The following GRIA2 variants were observed in gnomAD, a reference collection of about 807,000 sequenced individuals.
GRIA2 encodes glutamate receptor 2.
A neutral mutation model predicts 97.3 loss-of-function variants in GRIA2; 14 were observed. The ratio of observed to expected loss-of-function variants is 0.14; its 90% CI spans 0.10 to 0.23. The LOEUF (loss-of-function observed/expected upper bound fraction) is 0.23, where lower values mean the gene tolerates loss of function less well. Ranked by LOEUF, GRIA2 falls within the 10% of genes least tolerant of loss-of-function variation. The probability of loss-of-function intolerance (pLI) is 1.00; values close to 1 mark genes in which losing one functional copy is unlikely to be tolerated. For missense variants in GRIA2, 558 were observed against 1,069.8 expected, an observed-to-expected ratio of 0.52 and a Z score of 6.67; for synonymous variants, 412 against 387.8, an observed-to-expected ratio of 1.06 and a Z score of -0.73.
chr4:157,294,754 C>A (rs985564395), intron 2 of GRIA2, among the ~76,000 whole-genome samples: 1 of 152,088 alleles, frequency 6.6e-6, no homozygotes, highest in Non-Finnish European at 1.5e-5. Context: ...GACTTGCCAG[C>A]AGCACACAGC....
At chr4:157,253,816 G>T (rs1731120874) in intron 2 of GRIA2, among the ~76,000 whole-genome samples, 2 of 151,972 alleles carry the variant, frequency 1.3e-5, no homozygotes, top group South Asian at 4.1e-4. Flanking sequence ...ATTAATGTTT[G>T]TTATTATTCT....
intron 2 of GRIA2, among the ~76,000 whole-genome samples, chr4:157,238,073 A>G (rs1262057570): frequency 6.6e-6 from 1 of 152,174 alleles, no homozygotes. Flanking sequence ...CTATGGCTTC[A>G]TTAACTAACA....
chr4:157,276,807 A>T (rs1004372451), intron 2 of GRIA2, among the ~76,000 whole-genome samples: 4 of 151,990 alleles, frequency 2.6e-5, no homozygotes, highest in Non-Finnish European at 4.4e-5. Flanking sequence ...ATGGAATTAT[A>T]ATGTAAATTC....
intron 2 of GRIA2, among the ~76,000 whole-genome samples, chr4:157,291,450 T>A (rs937252103): frequency 1.3e-5 from 2 of 152,010 alleles, no homozygotes; most frequent in Non-Finnish European, 2.9e-5. Flanking sequence ...CTATTTTTTT[T>A]AATTGGCTGA....
At chr4:157,261,853 C>A (rs2126769595) in intron 2 of GRIA2, among the ~76,000 whole-genome samples, 1 of 152,122 alleles carries the variant, frequency 6.6e-6, no homozygotes, top group African/African-American at 2.4e-5. Flanking sequence ...ACTCTTCCTG[C>A]CAGCTTCCTG....
chr4:157,343,395 G>A (rs1305867343), intron 12 of GRIA2, among the ~76,000 whole-genome samples: 1 of 152,006 alleles, frequency 6.6e-6, no homozygotes, highest in Non-Finnish European at 1.5e-5. Context: ...TAATAAGTAT[G>A]CTGAGGTCTT....
intron 2 of GRIA2, among the ~76,000 whole-genome samples, chr4:157,274,918 T>C (rs1165792886): frequency 6.6e-6 from 1 of 150,596 alleles, no homozygotes; most frequent in East Asian, 1.9e-4. Flanking sequence ...GTATTTCTAG[T>C]TCTAGATCCC....
chr4:157,329,704 T>A (rs1473731912), intron 6 of GRIA2, among the ~76,000 whole-genome samples: 1 of 151,884 alleles, frequency 6.6e-6, no homozygotes, highest in Non-Finnish European at 1.5e-5. Flanking sequence ...AACCTACTGG[T>A]CAATAACTTA....
At chr4:157,269,142 C>A (rs1338141001) in intron 2 of GRIA2, among the ~76,000 whole-genome samples, 4 of 151,948 alleles carry the variant, frequency 2.6e-5, no homozygotes, top group Non-Finnish European at 5.9e-5. Flanking sequence ...CTCACCCCTC[C>A]TTTAATTAAT....
At chr4:157,252,680 A>G (rs1349582405) in intron 2 of GRIA2, among the ~76,000 whole-genome samples, 1 of 152,152 alleles carries the variant, frequency 6.6e-6, no homozygotes, top group Admixed American at 6.6e-5. Context: ...ATTAAGTGTG[A>G]CTAAATGATC....
intron 12 of GRIA2, among the ~76,000 whole-genome samples, chr4:157,356,122 T>C (rs1736349958): frequency 8.0e-6 from 1 of 124,622 alleles, no homozygotes; most frequent in Non-Finnish European, 1.6e-5. Flanking sequence ...TATTTATATA[T>C]ATTTATATAT....
intron 2 of GRIA2, among the ~76,000 whole-genome samples, chr4:157,231,756 A>G (rs17035885): frequency 0.35 from 53,058 of 151,914 alleles, 9,719 homozygotes; most frequent in African/African-American, 0.46. Flanking sequence ...AACAGAGAAA[A>G]GTTTGTCTCT....
At chr4:157,269,890 G>C (rs1731940080) in intron 2 of GRIA2, among the ~76,000 whole-genome samples, 1 of 151,800 alleles carries the variant, frequency 6.6e-6, no homozygotes, top group Non-Finnish European at 1.5e-5. Flanking sequence ...ATATACTTTT[G>C]AGCTTTCTTT....
Position 157,253,399 on chromosome 4 carries a change from G to T in GRIA2, c.229+31592G>T, listed in dbSNP as rs72962830. ...CCCGAAGTGCTGGGATTACAGACAT[G>T]AACCGCTATGCCTGGCCCCTTTTTG... On this transcript the variant is annotated intron_variant, in intron 2 of 15. Coordinates refer to ENST00000264426, the MANE Select transcript of GRIA2 (RefSeq NM_001083619.3). Among the ~76,000 whole-genome samples, 1,170 of 152,172 alleles carry T rather than the reference G, an allele frequency of 7.7e-3. 11 individuals are homozygous for T. Among genetic ancestry groups the T allele is most frequent in the African/African-American group, 0.027 (1,113 of 41,528 alleles).
chr4:157,362,662 G>A (rs1736684445), intron 14 of GRIA2, 137 bp from the exon 15 acceptor site: 3 of 769,726 alleles, frequency 3.9e-6, no homozygotes, highest in Non-Finnish European at 6.5e-6. Flanking sequence ...CCATCTAAGA[G>A]AAAATCCATT....
In GRIA2 at chr4:157,362,889, A is replaced by G. The variant is rs1579396000; in HGVS notation, c.2497A>G (p.Ile833Val). The change falls in exon 15 of 16, where the codon ATT becomes GTT. Residue 833 changes from isoleucine (I) to valine (V), a missense_variant. Ile to Val is a conservative substitution (Grantham distance 29). Transcript: ENST00000264426. ...TGGTTTGGCAATGCTGGTGGCTTTG[A>G]TTGAGTTCTGTTACAAGTCAAGGGC... ...GLGLAMLVALIEFCYKSRAEA... is the reference protein window; with the variant it reads ...GLGLAMLVALVEFCYKSRAEA... The G allele has an allele frequency of 6.2e-7, 1 of 1,613,544 alleles. No individual in the cohort carries two copies. The highest frequency in any genetic ancestry group is 2.2e-5 in the East Asian group (1 of 44,852).
intron 12 of GRIA2, among the ~76,000 whole-genome samples, chr4:157,350,480 G>A (rs2126970387): frequency 6.6e-6 from 1 of 151,770 alleles, no homozygotes; most frequent in East Asian, 1.9e-4. Context: ...GGTGATTTCT[G>A]AGGATCTTGA....
chr4:157,304,629 CAA>C (rs1361301289), intron 3 of GRIA2, among the ~76,000 whole-genome samples: 1 of 152,072 alleles, frequency 6.6e-6, no homozygotes. Flanking sequence ...ATCCGTAAAT[CAA>C]AGTCAAAGCG....
At position 157,277,892 on chromosome 4, in the gene GRIA2, A is replaced by ATATATATGTATATATGTG. The variant is rs1560743434; in HGVS notation, c.230-25653_230-25652insGTATATATGTGTATATAT. ...TATATGTATATATATGTATATATGTATATATATATGTATATATGTATATAT... is the reference window on the plus strand; with the variant it reads ...TATATGTATATATATGTATATATGTATATATATGTATATATGTGTATATATATGTATATATGTATATAT... On this transcript the variant is annotated intron_variant, in intron 2 of 15. Coordinates refer to ENST00000264426, the MANE Select transcript of GRIA2 (RefSeq NM_001083619.3). 4.4e-3 allele frequency among the ~76,000 whole-genome samples: 322 copies of ATATATATGTATATATGTG among 73,004 alleles called. 2 individuals carry two copies. Among genetic ancestry groups the ATATATATGTATATATGTG allele is most frequent in the African/African-American group, 0.018 (297 of 16,182 alleles). 47.9% of individuals were successfully genotyped at this position (73,004 alleles called of 152,430 possible).
Sources: gnomAD v4.1 joint callset for allele counts (sites outside exome capture counted in the v4.1 genomes callset) on GRCh38, gnomAD v4.1.1 for gene constraint, MANE v1.5 for transcripts, NCBI Gene and HGNC (gene_info 2026-07-23, HGNC 2026-07-21) for gene names.